The following SPOCK1 variants were observed in gnomAD, a reference collection of about 807,000 sequenced individuals.
SPOCK1 encodes SPARC (osteonectin), cwcv and kazal like domains proteoglycan 1.
Under a neutral mutation model 55.3 loss-of-function variants are expected in SPOCK1, and 23 were observed. The observed-to-expected ratio is 0.42, with a 90% CI of 0.30 to 0.59. SPOCK1 has a LOEUF of 0.59. Among genes scored for constraint, SPOCK1 ranks in the 20% least tolerant of loss-of-function variants. The probability of loss-of-function intolerance (pLI) is 0.22; values close to 1 mark genes in which losing one functional copy is unlikely to be tolerated. For synonymous variants in SPOCK1, 226 were observed against 221.0 expected, an observed-to-expected ratio of 1.02 and a Z score of -0.20; for missense variants, 499 against 552.5, an observed-to-expected ratio of 0.90 and a Z score of 0.97.
rs1057042698 is a variant in SPOCK1, at chr5:137,176,324, A to C, written c.233-35630T>G. Reference sequence around the variant, plus strand: ...GCTCACAGGTAGGCATTCTCTTGGCAGTGAACACAATAGCAAGGGGGTGGT... The same window carrying C: ...GCTCACAGGTAGGCATTCTCTTGGCCGTGAACACAATAGCAAGGGGGTGGT... On this transcript the variant is annotated intron_variant, in intron 3 of 10. Transcript: ENST00000394945. Among the ~76,000 whole-genome samples, 7 of 152,324 alleles carry C rather than the reference A, an allele frequency of 4.6e-5. No individual in the cohort carries two copies. The East Asian group carries it at 1.4e-3, about 29-fold the overall frequency.
intron 6 of SPOCK1, among the ~76,000 whole-genome samples, chr5:137,023,013 G>C (rs548053295): frequency 2.0e-5 from 3 of 152,180 alleles, no homozygotes; most frequent in East Asian, 3.8e-4. Context: ...GCAAATAAGA[G>C]AGGCAGCACA....
At chr5:137,085,482 T>C (rs759210040) in intron 5 of SPOCK1, among the ~76,000 whole-genome samples, 1 of 152,178 alleles carries the variant, frequency 6.6e-6, no homozygotes, top group East Asian at 1.9e-4. Flanking sequence ...CGGGGACTGA[T>C]AGAGAGGCCT....
At chr5:137,349,138 C>T (rs1750624343) in intron 2 of SPOCK1, among the ~76,000 whole-genome samples, 1 of 152,208 alleles carries the variant, frequency 6.6e-6, no homozygotes, top group Admixed American at 6.5e-5. Flanking sequence ...TATTTACATA[C>T]ATGTGGCTCT....
chr5:137,497,720 C>T (rs1047608155), intron 2 of SPOCK1, among the ~76,000 whole-genome samples: 6 of 152,172 alleles, frequency 3.9e-5, no homozygotes, highest in Non-Finnish European at 1.5e-5. Flanking sequence ...TGCTCTGCCA[C>T]CCAGGGTCCC....
At chr5:137,079,689 A>C (rs900489179) in intron 5 of SPOCK1, among the ~76,000 whole-genome samples, 1 of 152,112 alleles carries the variant, frequency 6.6e-6, no homozygotes, top group Non-Finnish European at 1.5e-5. Flanking sequence ...ACTCTTCAAC[A>C]ACATGCAACA....
intron 2 of SPOCK1, among the ~76,000 whole-genome samples, chr5:137,291,858 A>C (rs1241351358): frequency 1.3e-5 from 2 of 152,198 alleles, no homozygotes; most frequent in African/African-American, 4.8e-5. Context: ...ACAGCAATGC[A>C]TCAAGGAATG....
intron 3 of SPOCK1, among the ~76,000 whole-genome samples, chr5:137,175,304 T>A (rs1364098753): frequency 6.6e-6 from 1 of 152,130 alleles, no homozygotes; most frequent in Non-Finnish European, 1.5e-5. Context: ...GAAGCACTGG[T>A]GGGTTGGATA....
At chr5:137,441,422 C>T (rs1390259017) in intron 2 of SPOCK1, among the ~76,000 whole-genome samples, 1 of 152,208 alleles carries the variant, frequency 6.6e-6, no homozygotes, top group Non-Finnish European at 1.5e-5. Flanking sequence ...TTCCTTTCAG[C>T]TTTAAGTCTA....
chr5:137,099,583 T>C (rs1753221801), intron 5 of SPOCK1, among the ~76,000 whole-genome samples: 1 of 150,544 alleles, frequency 6.6e-6, no homozygotes, highest in South Asian at 2.1e-4. Context: ...TGTGTGTATA[T>C]ATATATATAT....
intron 2 of SPOCK1, among the ~76,000 whole-genome samples, chr5:137,471,593 C>G (rs989602903): frequency 6.6e-6 from 1 of 152,200 alleles, no homozygotes; most frequent in African/African-American, 2.4e-5. Flanking sequence ...GTGTGGCTAA[C>G]AAACATTGCT....
intron 3 of SPOCK1, among the ~76,000 whole-genome samples, chr5:137,170,587 TTCTC>T (rs56347412): frequency 0.17 from 24,346 of 142,348 alleles, 2,058 homozygotes; most frequent in East Asian, 0.22. Context: ...AGCCTGTTAT[TTCTC>T]TCTCTCTCTC....
At chr5:137,482,858 C>T (rs1191921155) in intron 2 of SPOCK1, among the ~76,000 whole-genome samples, 1 of 152,192 alleles carries the variant, frequency 6.6e-6, no homozygotes, top group Non-Finnish European at 1.5e-5. Context: ...TCCTACTCCT[C>T]AGGGTAACAA....
chr5:137,000,852 T>A (rs944269720), intron 6 of SPOCK1, among the ~76,000 whole-genome samples: 1 of 151,986 alleles, frequency 6.6e-6, no homozygotes, highest in Admixed American at 6.5e-5. Flanking sequence ...CTGGCCAACA[T>A]GGTGAAACCC....
At chr5:137,132,266 G>A (rs955487731) in intron 4 of SPOCK1, among the ~76,000 whole-genome samples, 13 of 151,502 alleles carry the variant, frequency 8.6e-5, no homozygotes, top group African/African-American at 3.2e-4. Context: ...TTGCAGGGGG[G>A]CTCAGGTTTG....
chr5:137,031,673 C>T (rs1356676324), intron 6 of SPOCK1, among the ~76,000 whole-genome samples: 2 of 152,154 alleles, frequency 1.3e-5, no homozygotes, highest in Non-Finnish European at 2.9e-5. Context: ...ACAAAACACT[C>T]ACAGCCTGCA....
chr5:137,372,892 T>C (rs1749185348), intron 2 of SPOCK1, among the ~76,000 whole-genome samples: 1 of 152,226 alleles, frequency 6.6e-6, no homozygotes, highest in Non-Finnish European at 1.5e-5. Context: ...GTAGAAATGA[T>C]AGCAGAGAGG....
chr5:137,490,451 C>A (rs1754150399), intron 2 of SPOCK1, among the ~76,000 whole-genome samples: 2 of 152,194 alleles, frequency 1.3e-5, no homozygotes, highest in Non-Finnish European at 2.9e-5. Context: ...GGGCACCAGA[C>A]ATACAGAGCG....
intron 2 of SPOCK1, among the ~76,000 whole-genome samples, chr5:137,393,399 C>A (rs918802962): frequency 6.6e-6 from 1 of 152,210 alleles, no homozygotes; most frequent in Admixed American, 6.5e-5. Flanking sequence ...ATGGAGTTGA[C>A]CCAGCCAAGG....
At chr5:137,478,227 T>C (rs1018717053) in intron 2 of SPOCK1, among the ~76,000 whole-genome samples, 2 of 152,138 alleles carry the variant, frequency 1.3e-5, no homozygotes, top group African/African-American at 4.8e-5. Flanking sequence ...CATCTTAGAA[T>C]AGCACCTGGC....
Sources: gnomAD v4.1 joint callset for allele counts (sites outside exome capture counted in the v4.1 genomes callset) on GRCh38, gnomAD v4.1.1 for gene constraint, MANE v1.5 for transcripts, NCBI Gene and HGNC (gene_info 2026-07-23, HGNC 2026-07-21) for gene names.